IL22RA2: variants seen among roughly 807,000 people sequenced by gnomAD.
IL22RA2 encodes the protein interleukin 22 receptor subunit alpha 2, also known as interleukin-22 receptor subunit alpha-2.
A neutral mutation model predicts 30.7 loss-of-function variants in IL22RA2; 39 were observed. That is an observed-to-expected ratio of 1.27 (90% confidence interval 0.98 to 1.66). The LOEUF is 1.66. IL22RA2 is among the 40% of genes most tolerant of loss of function. IL22RA2 has a pLI of 0.00. For missense variants in IL22RA2, 315 were observed against 312.7 expected, an observed-to-expected ratio of 1.01 and a Z score of -0.05; for synonymous variants, 103 against 105.0, an observed-to-expected ratio of 0.98 and a Z score of 0.11.
At chr6:137,152,139 G>A (rs749831906) in intron 5 of IL22RA2, among the ~76,000 whole-genome samples, 5 of 150,332 alleles carry the variant, frequency 3.3e-5, no homozygotes, top group Non-Finnish European at 5.9e-5. Flanking sequence ...CTGGAGCCCA[G>A]GGGTTCAAGA....
intron 4 of IL22RA2, among the ~76,000 whole-genome samples, chr6:137,155,791 A>G (rs1270632532): frequency 6.6e-6 from 1 of 152,164 alleles, no homozygotes; most frequent in Non-Finnish European, 1.5e-5. Flanking sequence ...CGCTTTCTGT[A>G]TCACTAACAT....
intron 2 of IL22RA2, 76 bp downstream of exon 2, chr6:137,161,613 G>T (rs1778521795): frequency 6.5e-6 from 8 of 1,228,394 alleles, no homozygotes; most frequent in South Asian, 1.2e-5. Flanking sequence ...AAAAGCACCA[G>T]TGCCATTTCC....
chr6:137,156,789 C>A lies in IL22RA2; in HGVS notation c.263G>T (p.Cys88Phe). The change falls in exon 4 of 7, where the codon TGT becomes TTT. Residue 88 changes from cysteine (C) to phenylalanine (F), a missense_variant. Physicochemically the swap from Cys to Phe is radical, Grantham distance 205. Coordinates refer to ENST00000296980, the MANE Select transcript of IL22RA2 (RefSeq NM_052962.3). Reference protein sequence around the residue: ...KPSGCWQHISCNFPGCRTLAK... With the variant: ...KPSGCWQHISFNFPGCRTLAK... ...CAATGTTCTGCAGCCTGGGAAGTTA[C>A]AAGAAATGTGCTGCCAGCATCCACT... 3 of 1,613,846 alleles carry A rather than the reference C, an allele frequency of 1.9e-6. No individual in the cohort carries two copies. Among genetic ancestry groups the A allele is most frequent in the Non-Finnish European group, 2.5e-6 (3 of 1,179,780 alleles).
chr6:137,154,652 C>T lies in IL22RA2; in HGVS notation c.472+289G>A, dbSNP rs376051658. On this transcript the variant is annotated intron_variant, in intron 5 of 6. Transcript: ENST00000296980. ...ACACACACACACACACACAAGGTGA[C>T]AAATTGATGGAGTGGAGGCTCTGCA... Among the ~76,000 whole-genome samples, 262 of 149,934 alleles carry T rather than the reference C, an allele frequency of 1.7e-3. 1 individual carries two copies. The highest frequency in any genetic ancestry group is 5.9e-3 in the African/African-American group (243 of 41,028).
At chr6:137,164,192 C>T (rs1390313750) in intron 1 of IL22RA2, among the ~76,000 whole-genome samples, 1 of 152,182 alleles carries the variant, frequency 6.6e-6, no homozygotes, top group Admixed American at 6.5e-5. Context: ...AAGCTAACTT[C>T]ACAGAAACTG....
chr6:137,157,022 T>G (rs1778421024), intron 3 of IL22RA2, among the ~76,000 whole-genome samples, 168 bp from the exon 4 acceptor site: 1 of 152,096 alleles, frequency 6.6e-6, no homozygotes, highest in Non-Finnish European at 1.5e-5. Flanking sequence ...CATTCATGAG[T>G]GCTCCATCCC....
chr6:137,161,386 G>C (rs1425614527), intron 2 of IL22RA2, among the ~76,000 whole-genome samples: 1 of 152,126 alleles, frequency 6.6e-6, no homozygotes, highest in Non-Finnish European at 1.5e-5. Context: ...GAAAGAGAGA[G>C]GGAGAGAAAG....
intron 5 of IL22RA2, among the ~76,000 whole-genome samples, chr6:137,152,506 C>CTAT (rs1468357802): frequency 6.6e-6 from 1 of 152,086 alleles, no homozygotes. Flanking sequence ...ACAGGGAACT[C>CTAT]TATAGAGACA....
At chr6:137,173,350 G>A (rs1442993121) in intron 1 of IL22RA2, 63 bp downstream of exon 1, 1 of 152,244 alleles carries the variant, frequency 6.6e-6, no homozygotes, top group Non-Finnish European at 1.5e-5. Flanking sequence ...TCCAGTCTGG[G>A]CAGCGATAAA....
In IL22RA2 at chr6:137,147,753, C is replaced by T. The variant is rs554680092; in HGVS notation, c.611G>A (p.Arg204Gln). 18 of 1,575,128 alleles carry T rather than the reference C, an allele frequency of 1.1e-5. No homozygotes were observed. The highest frequency in any genetic ancestry group is 1.8e-5 in the Admixed American group (1 of 56,356). The stretch of plus-strand genomic sequence containing the variant: ...TAGTGAATTGTTAATTATAAAAACT[C>T]GGTATAGTAGTTCATAGTAATCTTC... ...SIEDYYELLY[R>Q]VFIINNSLEK... Residue 204 changes from arginine (R) to glutamine (Q), a missense_variant, in exon 6 of 7, where the codon CGA becomes CAA. Arg to Gln is a conservative substitution (Grantham distance 43). Coordinates refer to ENST00000296980, the MANE Select transcript of IL22RA2 (RefSeq NM_052962.3).
intron 5 of IL22RA2, among the ~76,000 whole-genome samples, chr6:137,148,747 G>A (rs1778229192): frequency 6.6e-6 from 1 of 152,184 alleles, no homozygotes; most frequent in African/African-American, 2.4e-5. Context: ...AGTTTTTAAA[G>A]CACTTTCCAA....
At chr6:137,146,323 C>T (rs958434068) in intron 6 of IL22RA2, among the ~76,000 whole-genome samples, 2 of 152,188 alleles carry the variant, frequency 1.3e-5, no homozygotes, top group African/African-American at 4.8e-5. Context: ...TGAACCACCC[C>T]ACCTGGCCTT....
Position 137,145,505 on chromosome 6 carries a change from AGTGAATATTGCTTTAAG to A in IL22RA2, c.*102_*118del. 4.8e-6 allele frequency: 4 copies of A among 830,530 alleles called. No homozygotes were observed. Among genetic ancestry groups the A allele is most frequent in the Non-Finnish European group, 7.2e-6 (4 of 552,844 alleles). The allele number at this position is 830,530 out of a possible 1,614,324, so 51.4% of individuals were successfully genotyped here. A position where few individuals can be genotyped will look rare whatever the true frequency, so the allele number is the denominator to read the frequency against. On this transcript the variant is annotated 3_prime_UTR_variant, in exon 7 of 7. Coordinates refer to ENST00000296980, the MANE Select transcript of IL22RA2 (RefSeq NM_052962.3). ...AACAAAGAAGTCCCCAAGGTGTAAC[AGTGAATATTGCTTTAAG>A]AAAATACAAAAACAATTTTAAATAA...
intron 1 of IL22RA2, among the ~76,000 whole-genome samples, chr6:137,166,190 C>T (rs1778621978): frequency 6.6e-6 from 1 of 152,238 alleles, no homozygotes; most frequent in Non-Finnish European, 1.5e-5. Flanking sequence ...GCAGTGGTAA[C>T]ACTGAATTCA....
In IL22RA2 at chr6:137,156,288, G is replaced by T. The variant is rs1778405315; in HGVS notation, c.293+471C>A. On this transcript the variant is annotated intron_variant, in intron 4 of 6. Coordinates refer to ENST00000296980, the MANE Select transcript of IL22RA2 (RefSeq NM_052962.3). ...GAAGGAATTGGAGTCTGGGGAGAAA[G>T]GTTTCCCAAAATATTTATTGAAAGA... Among the ~76,000 whole-genome samples, 6 of 152,234 alleles carry T rather than the reference G, an allele frequency of 3.9e-5. No homozygotes were observed. The South Asian group carries it at 1.0e-3, about 26-fold the overall frequency.
chr6:137,156,894 G>A (rs767549894), intron 3 of IL22RA2, 40 bp from the exon 4 acceptor site: 2 of 1,588,054 alleles, frequency 1.3e-6, no homozygotes, highest in Admixed American at 1.7e-5. Context: ...GTGTGAAGAG[G>A]CCAAACTCAA....
intron 4 of IL22RA2, 23 bp downstream of exon 4, chr6:137,156,736 A>G (rs1778414517): frequency 6.2e-7 from 1 of 1,607,192 alleles, no homozygotes. Flanking sequence ...AGGCTAGGTA[A>G]TTGATAAGGA....
In IL22RA2 at chr6:137,159,377, G is replaced by A. The variant is rs542929047; in HGVS notation, c.62-895C>T. Among the ~76,000 whole-genome samples the A allele has an allele frequency of 1.7e-3, 263 of 152,094 alleles. 1 individual carries two copies. The highest frequency in any genetic ancestry group is 5.9e-3 in the African/African-American group (244 of 41,468). Reference sequence around the variant, plus strand: ...CTCTTGTCGCCCTGGCTGGAGTGCAGTGGCGTGATCTCAGCTCACTGCAAC... The same window carrying A: ...CTCTTGTCGCCCTGGCTGGAGTGCAATGGCGTGATCTCAGCTCACTGCAAC... On this transcript the variant is annotated intron_variant, in intron 2 of 6. Transcript: ENST00000296980.
intron 1 of IL22RA2, among the ~76,000 whole-genome samples, chr6:137,162,806 T>C (rs74507645): frequency 0.079 from 12,072 of 152,240 alleles, 1,172 homozygotes; most frequent in African/African-American, 0.23. Flanking sequence ...TAGGGACTTA[T>C]GAACAGAGCC....
Sources: gnomAD v4.1 joint callset for allele counts (sites outside exome capture counted in the v4.1 genomes callset) on GRCh38, gnomAD v4.1.1 for gene constraint, MANE v1.5 for transcripts, NCBI Gene and HGNC (gene_info 2026-07-23, HGNC 2026-07-21) for gene names.